AWAT1: variants seen among roughly 807,000 people sequenced by gnomAD.
AWAT1 encodes the protein acyl-CoA wax alcohol acyltransferase 1, also known as diacyl-glycerol acyltransferase 2.
AWAT1 carries 26 observed loss-of-function variants against 21.6 expected under a neutral mutation model. The ratio of observed to expected loss-of-function variants is 1.20; its 90% CI spans 0.88 to 1.67. The LOEUF is 1.67. Ranked by LOEUF, AWAT1 falls within the 40% of genes most tolerant of loss-of-function variation. AWAT1 has a pLI of 0.00. For missense variants in AWAT1, 264 were observed against 249.4 expected, an observed-to-expected ratio of 1.06 and a Z score of -0.39; for synonymous variants, 102 against 99.3, an observed-to-expected ratio of 1.03 and a Z score of -0.16.
At chrX:70,238,084 T>G in intron 4 of AWAT1, 128 bp from the exon 5 acceptor site, 1 of 626,531 alleles carries the variant, frequency 1.6e-6, no homozygotes. Flanking sequence ...CTCCACACTC[T>G]TTAGTCCCAT....
chrX:70,239,553 G>C (rs1361972878), intron 5 of AWAT1, among the ~76,000 whole-genome samples, 182 bp from the exon 6 acceptor site: 1 of 111,829 alleles, frequency 8.9e-6, no homozygotes, highest in Non-Finnish European at 1.9e-5. Context: ...AATCTCACTG[G>C]CCTTGAAAAT....
chrX:70,240,393 G>C lies in AWAT1; in HGVS notation c.*103G>C. 1 of 883,838 alleles carries C rather than the reference G, an allele frequency of 1.1e-6. No individual in the cohort carries two copies. Among genetic ancestry groups the C allele is most frequent in the Admixed American group, 2.8e-5 (1 of 35,233 alleles). The allele number at this position is 883,838 out of a possible 1,213,427, so 72.8% of individuals were successfully genotyped here. ...GCAGGAGATGAGGGAGGTTATATGT[G>C]GTAGGGGAGGGCATGAGGAATTCCT... On this transcript the variant is annotated 3_prime_UTR_variant, in exon 7 of 7. Transcript: ENST00000374521.
At position 70,234,715 on chromosome X, in the gene AWAT1, C is replaced by T; in HGVS notation, c.20C>T (p.Pro7Leu). Residue 7 changes from proline (P) to leucine (L), a missense_variant, in exon 1 of 7, where the codon CCT (proline) becomes CTT (leucine). Coordinates refer to ENST00000374521, the MANE Select transcript of AWAT1 (RefSeq NM_001013579.3). MAHSKQ[P>L]SHFQSLMLLQ... is the part of the protein sequence containing the mutation. ...AGAATCATGGCTCATTCCAAGCAGC[C>T]TAGTCACTTCCAGAGTCTGATGCTT... 1.7e-6 allele frequency: 2 copies of T among 1,210,741 alleles called. No individual in the cohort carries two copies. Among genetic ancestry groups the T allele is most frequent in the East Asian group, 3.0e-5 (1 of 33,829 alleles).
chrX:70,237,261 A>G lies in AWAT1; in HGVS notation c.460+13A>G. The G allele has an allele frequency of 8.4e-7, 1 of 1,185,821 alleles. No homozygotes were observed. Among genetic ancestry groups the G allele is most frequent in the Non-Finnish European group, 1.1e-6 (1 of 875,279 alleles). On this transcript the variant is annotated intron_variant, in intron 4 of 6. Coordinates refer to ENST00000374521, the MANE Select transcript of AWAT1 (RefSeq NM_001013579.3). The stretch of plus-strand genomic sequence containing the variant: ...CTCATGGCCAAAGGTGCTTCTGACC[A>G]TACTTACTGGAGCTTCTGGTCCATG...
At chrX:70,238,745 C>A (rs896805099) in intron 5 of AWAT1, among the ~76,000 whole-genome samples, 5 of 112,265 alleles carry the variant, frequency 4.5e-5, no homozygotes, top group Admixed American at 9.4e-5. Flanking sequence ...AATCCTGGCT[C>A]CATGACTGTG....
Position 70,240,573 on chromosome X carries a change from T to C in AWAT1, c.*283T>C. 1 of 286,405 alleles carries C rather than the reference T, an allele frequency of 3.5e-6. No homozygotes were observed. The highest frequency in any genetic ancestry group is 2.7e-5 in the African/African-American group (1 of 37,715). The allele number at this position is 286,405 out of a possible 1,213,427, so 23.6% of individuals were successfully genotyped here. A position where few individuals can be genotyped will look rare whatever the true frequency, so the allele number is the denominator to read the frequency against. The stretch of plus-strand genomic sequence containing the variant: ...CTGGGACACATTAGCAGTCACTGCA[T>C]ATTCCCCCAGCCCCTGGGCAACTAT... On this transcript the variant is annotated 3_prime_UTR_variant, in exon 7 of 7. Transcript: ENST00000374521.
chrX:70,239,355 C>T (rs752417363), intron 5 of AWAT1, among the ~76,000 whole-genome samples: 3 of 112,730 alleles, frequency 2.7e-5, no homozygotes, highest in African/African-American at 9.6e-5. Context: ...CTACCCAGGG[C>T]ACTGTTCAGG....
At chrX:70,239,096 G>C (rs889668822) in intron 5 of AWAT1, among the ~76,000 whole-genome samples, 1 of 112,028 alleles carries the variant, frequency 8.9e-6, no homozygotes, top group Admixed American at 9.4e-5. Context: ...GAATCATGTA[G>C]GGAAGAGAGC....
At chrX:70,235,889 C>T in intron 2 of AWAT1, 66 bp downstream of exon 2, 3 of 1,033,542 alleles carry the variant, frequency 2.9e-6, no homozygotes, top group Non-Finnish European at 4.1e-6. Context: ...GTCCCACTCG[C>T]CATACCACAG....
At chrX:70,235,868 G>A (rs751375487) in intron 2 of AWAT1, 45 bp downstream of exon 2, 1 of 1,106,527 alleles carries the variant, frequency 9.0e-7, no homozygotes, top group Admixed American at 2.2e-5. Context: ...ATCATAACCT[G>A]CAGCCAGAGA....
intron 5 of AWAT1, among the ~76,000 whole-genome samples, 157 bp downstream of exon 5, chrX:70,238,540 A>G (rs1267390024): frequency 8.9e-6 from 1 of 112,408 alleles, no homozygotes; most frequent in Non-Finnish European, 1.9e-5. Flanking sequence ...TAGCTCAACT[A>G]GTTTCTAAGA....
At chrX:70,237,838 A>G (rs2085521097) in intron 4 of AWAT1, among the ~76,000 whole-genome samples, 1 of 105,705 alleles carries the variant, frequency 9.5e-6, no homozygotes, top group African/African-American at 3.4e-5. Flanking sequence ...TCTCAAAAAA[A>G]AAAAAAAAAA....
chrX:70,234,847 G>T (rs933668646), intron 1 of AWAT1, 76 bp downstream of exon 1: 5 of 901,286 alleles, frequency 5.5e-6, no homozygotes, highest in Non-Finnish European at 8.0e-6. Context: ...GACTTTTAGG[G>T]CCATGTGAAG....
At chrX:70,237,830 T>TTA (rs1201333791) in intron 4 of AWAT1, among the ~76,000 whole-genome samples, 1 of 23,281 alleles carries the variant, frequency 4.3e-5, no homozygotes, top group African/African-American at 1.9e-4. Context: ...AAACTCTGTC[T>TTA]CAAAAAAAAA....
In AWAT1 at chrX:70,240,611, T is replaced by C; in HGVS notation, c.*321T>C. The C allele has an allele frequency of 4.1e-6, 1 of 241,984 alleles. No homozygotes were observed. The highest frequency in any genetic ancestry group is 6.0e-5 in the Admixed American group (1 of 16,562). 19.9% of individuals were successfully genotyped at this position (241,984 alleles called of 1,213,427 possible). Reference sequence around the variant, plus strand: ...CCTGGGCAACTATCTACTTTCTGTCTCTGTGGATTTGCCAATTCTGAACAT... The same window carrying C: ...CCTGGGCAACTATCTACTTTCTGTCCCTGTGGATTTGCCAATTCTGAACAT... On this transcript the variant is annotated 3_prime_UTR_variant, in exon 7 of 7. Transcript: ENST00000374521.
chrX:70,235,882 C>T (rs1250197907), intron 2 of AWAT1, 59 bp downstream of exon 2: 1 of 1,059,852 alleles, frequency 9.4e-7, no homozygotes, highest in Non-Finnish European at 1.3e-6. Flanking sequence ...CCAGAGAGTC[C>T]CACTCGCCAT....
Position 70,240,383 on chromosome X carries a change from G to A in AWAT1, c.*93G>A. On this transcript the variant is annotated 3_prime_UTR_variant, in exon 7 of 7. Coordinates refer to ENST00000374521, the MANE Select transcript of AWAT1 (RefSeq NM_001013579.3). ...CCAAAGACAGGCAGGAGATGAGGGA[G>A]GTTATATGTGGTAGGGGAGGGCATG... is the stretch of plus-strand genomic sequence containing the variant. 1 of 952,232 alleles carries A rather than the reference G, an allele frequency of 1.1e-6. No homozygotes were observed. Among genetic ancestry groups the A allele is most frequent in the South Asian group, 2.4e-5 (1 of 41,253 alleles). The allele number at this position is 952,232 out of a possible 1,213,427, so 78.5% of individuals were successfully genotyped here.
Position 70,239,857 on chromosome X carries a change from G to C in AWAT1, c.755G>C (p.Cys252Ser). The change falls in exon 6 of 7, where the codon TGT (cysteine) becomes TCT (serine). Residue 252 changes from cysteine (C) to serine (S), a missense_variant. Transcript: ENST00000374521. The stretch of plus-strand genomic sequence containing the variant: ...TTCCGCCGTATCTTTGGTTTCTACT[G>C]TTGTGTCTTCTATGGACAAAGCTTC... ...SCFRRIFGFY[C>S]CVFYGQSFCQ... 8.3e-7 allele frequency: 1 copy of C among 1,210,708 alleles called. No individual in the cohort carries two copies. The highest frequency in any genetic ancestry group is 1.1e-6 in the Non-Finnish European group (1 of 894,707).
At chrX:70,238,429 G>A (rs766740327) in intron 5 of AWAT1, 46 bp downstream of exon 5, 5 of 1,094,274 alleles carry the variant, frequency 4.6e-6, no homozygotes, top group Non-Finnish European at 6.1e-6. Context: ...TCTCTGAGCA[G>A]CATGACCCTG....
Sources: gnomAD v4.1 joint callset for allele counts (sites outside exome capture counted in the v4.1 genomes callset) on GRCh38, gnomAD v4.1.1 for gene constraint, MANE v1.5 for transcripts, NCBI Gene and HGNC (gene_info 2026-07-23, HGNC 2026-07-21) for gene names.